TUSC3: variants seen among roughly 807,000 people sequenced by gnomAD.
The protein encoded by TUSC3 is tumor suppressor candidate 3.
Under a neutral mutation model 44.8 loss-of-function variants are expected in TUSC3, and 45 were observed. The observed-to-expected ratio is 1.00, with a 90% CI of 0.79 to 1.29. TUSC3 has a LOEUF of 1.29. TUSC3 is among the 50% of genes most tolerant of loss of function. TUSC3 has a pLI of 0.00. For synonymous variants in TUSC3, 212 were observed against 152.9 expected (o/e 1.39, Z -2.85); for missense variants, 519 against 437.9 (o/e 1.19, Z -1.65).
At chr8:15,775,747 A>G in the TUSC3 span, among the ~76,000 whole-genome samples, 1 of 49,572 alleles carries the variant, frequency 2.0e-5, no homozygotes, top group South Asian at 8.1e-4. Context: ...TATATATTAC[A>G]CTATATATAT....
chr8:15,555,125 A>G (rs956444043), intron 1 of TUSC3, among the ~76,000 whole-genome samples: 6 of 139,966 alleles, frequency 4.3e-5, no homozygotes, highest in African/African-American at 1.6e-4. Flanking sequence ...AGGTGACAAT[A>G]TTATAATAGC....
intron 2 of TUSC3, among the ~76,000 whole-genome samples, chr8:15,639,449 A>G (rs1434481320): frequency 6.6e-6 from 1 of 152,240 alleles, no homozygotes; most frequent in Non-Finnish European, 1.5e-5. Context: ...TACAGGAGTA[A>G]AGATCATACA....
chr8:15,594,978 G>A (rs776748788), intron 1 of TUSC3, among the ~76,000 whole-genome samples: 7 of 152,028 alleles, frequency 4.6e-5, no homozygotes, highest in Non-Finnish European at 1.0e-4. Flanking sequence ...GTCTACCCTA[G>A]GTTTTATACT....
intron 2 of TUSC3, among the ~76,000 whole-genome samples, chr8:15,509,902 C>T (rs1032482776): frequency 6.6e-6 from 1 of 152,084 alleles, no homozygotes; most frequent in Admixed American, 6.6e-5. Context: ...TTATCTAATG[C>T]TTACCAGGAG....
intron 1 of TUSC3, among the ~76,000 whole-genome samples, chr8:15,582,145 C>G (rs979562027): frequency 2.6e-5 from 4 of 152,200 alleles, no homozygotes; most frequent in Non-Finnish European, 5.9e-5. Flanking sequence ...CCAAGTGAGG[C>G]AATGCCTCGC....
chr8:15,833,522 A>G, the TUSC3 span, among the ~76,000 whole-genome samples: 1 of 152,194 alleles, frequency 6.6e-6, no homozygotes, highest in Non-Finnish European at 1.5e-5. Flanking sequence ...CTATGCAGCC[A>G]TAAAAAATAA....
intron 6 of TUSC3, among the ~76,000 whole-genome samples, chr8:15,703,243 A>G (rs933942547): frequency 5.3e-5 from 8 of 152,276 alleles, no homozygotes; most frequent in Admixed American, 5.2e-4. Context: ...TTAAAGAGAT[A>G]TGTAACTTGA....
At chr8:15,750,430 G>A (rs1811645856) in intron 9 of TUSC3, among the ~76,000 whole-genome samples, 1 of 151,974 alleles carries the variant, frequency 6.6e-6, no homozygotes, top group Non-Finnish European at 1.5e-5. Context: ...TAGGAAAAGT[G>A]GAGAAAAAAA....
At chr8:15,801,515 AAG>A in the TUSC3 span, among the ~76,000 whole-genome samples, 3,762 of 152,254 alleles carry the variant, frequency 0.025, 136 homozygotes, top group African/African-American at 0.084. Flanking sequence ...GAGAAAAAAA[AAG>A]AGAGAAATAC....
At chr8:15,679,251 C>G (rs1346137964) in intron 6 of TUSC3, among the ~76,000 whole-genome samples, 1 of 152,124 alleles carries the variant, frequency 6.6e-6, no homozygotes, top group East Asian at 1.9e-4. Flanking sequence ...CTTTTCTCCA[C>G]AGCCTTGGAA....
the TUSC3 span, among the ~76,000 whole-genome samples, chr8:15,787,441 T>G: frequency 6.6e-6 from 1 of 152,224 alleles, no homozygotes; most frequent in Non-Finnish European, 1.5e-5. Context: ...ATATTTATTC[T>G]TGATTATTGT....
intron 1 of TUSC3, among the ~76,000 whole-genome samples, chr8:15,435,076 G>T (rs1053329303): frequency 1.3e-5 from 2 of 148,632 alleles, no homozygotes; most frequent in Admixed American, 6.6e-5. Context: ...GGGTCAAATG[G>T]TATTTCTAGT....
intron 10 of TUSC3, among the ~76,000 whole-genome samples, chr8:15,758,621 G>A (rs1019061103): frequency 1.3e-5 from 2 of 152,034 alleles, no homozygotes; most frequent in Admixed American, 6.6e-5. Flanking sequence ...CCCACTGAAC[G>A]TAGGGAAGGA....
intron 6 of TUSC3, among the ~76,000 whole-genome samples, chr8:15,713,055 A>G (rs1257540736): frequency 6.6e-6 from 1 of 152,194 alleles, no homozygotes; most frequent in East Asian, 1.9e-4. Context: ...GGCAACAGTA[A>G]ATATTTTTGC....
At chr8:15,574,800 C>T (rs1803027343) in intron 1 of TUSC3, among the ~76,000 whole-genome samples, 1 of 152,030 alleles carries the variant, frequency 6.6e-6, no homozygotes, top group African/African-American at 2.4e-5. Flanking sequence ...TCTTTATGTT[C>T]AAATGGGTTT....
chr8:15,451,820 G>A (rs766765211), intron 1 of TUSC3, among the ~76,000 whole-genome samples: 4 of 152,154 alleles, frequency 2.6e-5, no homozygotes, highest in Middle Eastern at 3.4e-3. Flanking sequence ...TTAAATGGTA[G>A]GATGGTGTCT....
intron 1 of TUSC3, among the ~76,000 whole-genome samples, chr8:15,479,550 C>T (rs897368651): frequency 6.6e-6 from 1 of 151,988 alleles, no homozygotes; most frequent in Non-Finnish European, 1.5e-5. Context: ...AATCCTTTTC[C>T]CGTTGCTTAT....
At chr8:15,484,041 C>G (rs1170098214) in intron 2 of TUSC3, among the ~76,000 whole-genome samples, 1 of 151,996 alleles carries the variant, frequency 6.6e-6, no homozygotes, top group African/African-American at 2.4e-5. Flanking sequence ...TCTCTCCCAC[C>G]GTATTAGTAT....
intron 1 of TUSC3, among the ~76,000 whole-genome samples, chr8:15,575,973 T>A (rs992371974): frequency 1.9e-5 from 1 of 53,960 alleles, no homozygotes; most frequent in African/African-American, 4.5e-5. Flanking sequence ...TGAATTGATA[T>A]AATAACTGAG....
Sources: gnomAD v4.1 joint callset for allele counts (sites outside exome capture counted in the v4.1 genomes callset) on GRCh38, gnomAD v4.1.1 for gene constraint, MANE v1.5 for transcripts, NCBI Gene and HGNC (gene_info 2026-07-23, HGNC 2026-07-21) for gene names.